Variants in MOK observed in about 807,000 individuals in gnomAD.
MOK encodes the protein MAPK/MAK/MRK overlapping kinase.
In MOK, 59 loss-of-function variants were observed where a neutral mutation model predicts 54.2. The ratio of observed to expected loss-of-function variants is 1.09; its 90% confidence interval spans 0.88 to 1.35. The LOEUF (loss-of-function observed/expected upper bound fraction) is 1.35. Among genes scored for constraint, MOK ranks in the 40% most tolerant of loss-of-function variants. The pLI is 0.00. For missense variants in MOK, 517 were observed against 526.2 expected, an observed-to-expected ratio of 0.98 and a Z score of 0.17; for synonymous variants, 210 against 202.7, an observed-to-expected ratio of 1.04 and a Z score of -0.31.
chr14:102,269,688 G>A (rs2068202354), intron 2 of MOK, among the ~76,000 whole-genome samples: 1 of 151,932 alleles, frequency 6.6e-6, no homozygotes, highest in South Asian at 2.1e-4. Context: ...GGCCAGGCTG[G>A]TTTCAAACTC....
intron 7 of MOK, among the ~76,000 whole-genome samples, chr14:102,242,969 C>T (rs894433303): frequency 6.6e-6 from 1 of 152,158 alleles, no homozygotes; most frequent in African/African-American, 2.4e-5. Context: ...AGCAAATTAC[C>T]TGGGCTGTAC....
intron 7 of MOK, among the ~76,000 whole-genome samples, chr14:102,237,780 C>T (rs1387874298): frequency 2.6e-5 from 4 of 152,192 alleles, no homozygotes; most frequent in Non-Finnish European, 5.9e-5. Context: ...AACAGTTAGA[C>T]AACACAGTCA....
intron 4 of MOK, among the ~76,000 whole-genome samples, chr14:102,258,233 A>G (rs1441662587): frequency 6.6e-6 from 1 of 152,092 alleles, no homozygotes; most frequent in African/African-American, 2.4e-5. Flanking sequence ...AGAGTAACGA[A>G]AATTCTTACC....
downstream of MOK, chr14:102,226,057 G>C (rs2064227465): frequency 2.0e-6 from 1 of 507,530 alleles, no homozygotes; most frequent in African/African-American, 2.0e-5. The surrounding 1 kb of genome is among the most constrained non-coding windows in gnomAD (Gnocchi z 4.8). Flanking sequence ...CACCGCAGGT[G>C]TGGGGACAGC....
In MOK at chr14:102,245,884, T is replaced by C. The variant is rs2066057401; in HGVS notation, c.590+4928A>G. Among the ~76,000 whole-genome samples, 1 of 152,108 alleles carries C rather than the reference T, an allele frequency of 6.6e-6. No homozygotes were observed. Among genetic ancestry groups the C allele is most frequent in the Admixed American group, 6.5e-5 (1 of 15,276 alleles). ...AACCAGCACCTCACCAACTTCTAAC[T>C]GGTATTCCAGCACACTCCTTGGGCC... On this transcript the variant is annotated intron_variant, in intron 7 of 11. Transcript: ENST00000361847. The surrounding 1 kb of genome is among the most constrained non-coding windows in gnomAD (Gnocchi z 4.3).
chr14:102,298,936 C>G (rs1230759380), intron 1 of MOK, among the ~76,000 whole-genome samples: 2 of 152,174 alleles, frequency 1.3e-5, no homozygotes, highest in African/African-American at 4.8e-5. Flanking sequence ...CCGCGAAGGT[C>G]TGCAGCTTCA....
intron 1 of MOK, among the ~76,000 whole-genome samples, chr14:102,294,427 T>C (rs1347786320): frequency 4.6e-5 from 6 of 131,204 alleles, no homozygotes; most frequent in South Asian, 2.4e-4. Flanking sequence ...GCCAGGGTGA[T>C]AGAGCGAGAC....
At chr14:102,242,149 C>T (rs569708837) in intron 7 of MOK, among the ~76,000 whole-genome samples, 1 of 152,296 alleles carries the variant, frequency 6.6e-6, no homozygotes, top group African/African-American at 2.4e-5. Context: ...CCATCACAGA[C>T]GCTTTGGGTA....
chr14:102,304,164 T>C (rs896558503), intron 1 of MOK, among the ~76,000 whole-genome samples: 2 of 152,244 alleles, frequency 1.3e-5, no homozygotes, highest in Admixed American at 6.5e-5. Flanking sequence ...TAGGATACAA[T>C]GCAAATTTAA....
rs182119476 is a variant in MOK at position 102,291,457 on chromosome 14, G to T, written c.8-7865C>A. On this transcript the variant is annotated intron_variant, in intron 1 of 11. Transcript: ENST00000361847. ...AAATTCAACAGCCTAAACATCTTCT[G>T]CCCTCAAGCAGACCCTCATACTGAC... Among the ~76,000 whole-genome samples, 586 of 152,222 alleles carry T rather than the reference G, an allele frequency of 3.8e-3. 5 individuals are homozygous for T. Among genetic ancestry groups the T allele is most frequent in the African/African-American group, 0.013 (551 of 41,526 alleles).
rs1051939149 is a variant in MOK, at chr14:102,235,793, T to G, written c.591-2004A>C. ...TCTGCCCCCGACATCTGGCGCAAAC[T>G]TAAAAAGGCTGAAGATGCCCCTCAG... On this transcript the variant is annotated intron_variant, in intron 7 of 11. Coordinates refer to ENST00000361847, the MANE Select transcript of MOK (RefSeq NM_014226.3). This position sits in a 1 kb window ranked among gnomAD's most constrained non-coding sequence, Gnocchi z 4.4. 1.3e-5 allele frequency among the ~76,000 whole-genome samples: 2 copies of G among 152,100 alleles called. No homozygotes were observed. The highest frequency in any genetic ancestry group is 2.4e-5 in the African/African-American group (1 of 41,410).
At chr14:102,286,609 T>TA (rs1005769818) in intron 1 of MOK, among the ~76,000 whole-genome samples, 4 of 151,590 alleles carry the variant, frequency 2.6e-5, no homozygotes, top group African/African-American at 9.7e-5. Flanking sequence ...AGACCCTGTC[T>TA]AAAAGAAAAA....
chr14:102,278,523 C>A, intron 2 of MOK: 1 of 370,656 alleles, frequency 2.7e-6, no homozygotes, highest in East Asian at 7.4e-5. Context: ...AAACCATGTA[C>A]CACATGTAGA....
At chr14:102,262,480 T>G (rs1003419294) in intron 4 of MOK, among the ~76,000 whole-genome samples, 1 of 152,254 alleles carries the variant, frequency 6.6e-6, no homozygotes, top group African/African-American at 2.4e-5. Context: ...CTTTTATGGA[T>G]GTAGAAAAAC....
intron 1 of MOK, among the ~76,000 whole-genome samples, chr14:102,301,787 G>A (rs537497191): frequency 1.3e-5 from 2 of 152,230 alleles, no homozygotes; most frequent in East Asian, 1.9e-4. Flanking sequence ...CCAAGTAACC[G>A]AAAACTACCA....
At chr14:102,278,640 G>C (rs1364129541) in intron 2 of MOK, 1 of 454,484 alleles carries the variant, frequency 2.2e-6, no homozygotes, top group Admixed American at 2.3e-5. Flanking sequence ...CGTGTAGGTT[G>C]GGTAGCAACG....
At chr14:102,219,369 G>A in the MOK span, among the ~76,000 whole-genome samples, 5 of 152,218 alleles carry the variant, frequency 3.3e-5, no homozygotes, top group African/African-American at 7.2e-5. Flanking sequence ...CATGCAGGGC[G>A]CCGAGGCCCC....
chr14:102,233,520 G>A, intron 8 of MOK, 168 bp downstream of exon 8: 1 of 600,240 alleles, frequency 1.7e-6, no homozygotes, highest in East Asian at 2.8e-5. Flanking sequence ...TAAAGTGATG[G>A]GCTCTGTCTG....
At chr14:102,275,425 G>T (rs150094127) in intron 2 of MOK, among the ~76,000 whole-genome samples, 1 of 151,878 alleles carries the variant, frequency 6.6e-6, no homozygotes, top group South Asian at 2.1e-4. Context: ...TTAGCCGGGC[G>T]TGGTGGTGGG....
Sources: gnomAD v4.1 joint callset for allele counts (sites outside exome capture counted in the v4.1 genomes callset) on GRCh38, gnomAD v4.1.1 for gene constraint, Gnocchi (gnomAD v3.1) non-coding constraint, MANE v1.5 for transcripts, NCBI Gene and HGNC (gene_info 2026-07-23, HGNC 2026-07-21) for gene names.